ZNF592: variants seen among roughly 807,000 people sequenced by gnomAD.
ZNF592 encodes the protein zinc finger protein 592.
Under a neutral mutation model 80.3 loss-of-function variants are expected in ZNF592, and 11 were observed. The ratio of observed to expected loss-of-function variants is 0.14; its 90% CI spans 0.09 to 0.23. The LOEUF (loss-of-function observed/expected upper bound fraction) is 0.23, where lower values mean the gene tolerates loss of function less well. Among genes scored for constraint, ZNF592 ranks in the 10% least tolerant of loss-of-function variants. ZNF592 has a pLI of 1.00. For missense variants in ZNF592, 1,420 were observed against 1,633.9 expected (o/e 0.87, Z 2.26); for synonymous variants, 646 against 640.3 (o/e 1.01, Z -0.13).
At chr15:84,773,518 G>A (rs1174885918) in intron 2 of ZNF592, among the ~76,000 whole-genome samples, 1 of 152,130 alleles carries the variant, frequency 6.6e-6, no homozygotes, top group Non-Finnish European at 1.5e-5. Context: ...GCCCCCACCA[G>A]GGGTTTAATT....
chr15:84,760,243 A>G (rs761359943), intron 1 of ZNF592, among the ~76,000 whole-genome samples: 1 of 152,090 alleles, frequency 6.6e-6, no homozygotes, highest in Non-Finnish European at 1.5e-5. Context: ...AGACCTAGCA[A>G]TGGCCTGCCA....
chr15:84,753,211 G>A (rs1424739480), intron 1 of ZNF592: 7 of 152,232 alleles, frequency 4.6e-5, no homozygotes, highest in Admixed American at 1.3e-4. Flanking sequence ...GTTCCATAGA[G>A]TTAGGTTAAT....
At chr15:84,753,739 CTGGGATTACAGGCATGAGCCCCTA>C (rs1899082178) in intron 1 of ZNF592, among the ~76,000 whole-genome samples, 2 of 152,338 alleles carry the variant, frequency 1.3e-5, no homozygotes, top group Admixed American at 6.5e-5. Flanking sequence ...TCCTAAAGTG[CTGGGATTACAGGCATGAGCCCCTA>C]TGCCTGGCCT....
At chr15:84,748,794 C>A (rs950499292) in intron 1 of ZNF592, 130 bp downstream of exon 1, 7 of 147,258 alleles carry the variant, frequency 4.8e-5, no homozygotes, top group Non-Finnish European at 1.1e-4. Context: ...GCCTGGCGGA[C>A]CCTGGCCGCC....
rs546396478 is a variant in ZNF592, at chr15:84,783,453, C to A, written c.778C>A (p.Arg260=). The change falls in exon 4 of 11, where the codon CGG becomes AGG. Residue 260 remains arginine (R), a synonymous_variant. Transcript: ENST00000560079. The surrounding 1 kb of genome is among the most constrained non-coding windows in gnomAD (Gnocchi z 5.0). ...TATTGGAGAGTCCAAGGGGCTTGCC[C>A]GGGAGCTTGGTACCTGCTCATCAGT... The part of the protein sequence containing the change: ...NSIGESKGLA[R]ELGTCSSVPP... The A allele has an allele frequency of 1.2e-6, 2 of 1,614,018 alleles. No homozygotes were observed. Among genetic ancestry groups the A allele is most frequent in the African/African-American group, 2.7e-5 (2 of 74,916 alleles).
chr15:84,755,307 TA>T (rs1250222473), intron 1 of ZNF592, among the ~76,000 whole-genome samples: 11 of 152,064 alleles, frequency 7.2e-5, no homozygotes, highest in Admixed American at 6.6e-4. Flanking sequence ...AATTTTTTTT[TA>T]TTTTTTTAAG....
rs1962968332 is a variant in ZNF592, at chr15:84,797,938, C to T, written c.2469C>T (p.Cys823=). The change falls in exon 6 of 11, where the codon TGC becomes TGT. Residue 823 remains cysteine, a synonymous_variant. Transcript: ENST00000560079. ...AAAGCCACATCCAGGAGCGACACTG[C>T]CAGGTTTTCCACAAATGTGCATTCT... ...LLKSHIQERH[C]QVFHKCAFCP... 1 of 1,614,130 alleles carries T rather than the reference C, an allele frequency of 6.2e-7. No individual in the cohort carries two copies. The highest frequency in any genetic ancestry group is 1.7e-5 in the Admixed American group (1 of 60,016).
intron 1 of ZNF592, among the ~76,000 whole-genome samples, chr15:84,753,807 T>A (rs947204866): frequency 7.9e-5 from 12 of 152,182 alleles, no homozygotes; most frequent in African/African-American, 2.9e-4. Context: ...TTGTTTAAAC[T>A]TTTCTTAAAA....
Position 84,802,613 on chromosome 15 carries a change from T to G in ZNF592, c.*220T>G. The G allele has an allele frequency of 1.6e-6, 1 of 606,938 alleles. No homozygotes were observed. Among genetic ancestry groups the G allele is most frequent in the Admixed American group, 2.9e-5 (1 of 34,434 alleles). The allele number at this position is 606,938 out of a possible 1,614,324, so 37.6% of individuals were successfully genotyped here. A position where few individuals can be genotyped will look rare whatever the true frequency, so the allele number is the denominator to read the frequency against. On this transcript the variant is annotated 3_prime_UTR_variant, in exon 11 of 11. Transcript: ENST00000560079. Reference sequence around the variant, plus strand: ...CAGCTCTGAATTTGCTTCTGTTATTTATGGCTTTTCGCTGCTTCTTGGTGC... The same window carrying G: ...CAGCTCTGAATTTGCTTCTGTTATTGATGGCTTTTCGCTGCTTCTTGGTGC...
rs549265229 is a variant in ZNF592 at position 84,798,209 on chromosome 15, A to G, written c.2577-106A>G. On this transcript the variant is annotated intron_variant, in intron 6 of 10. Coordinates refer to ENST00000560079, the MANE Select transcript of ZNF592 (RefSeq NM_014630.3). The surrounding 1 kb of genome is among the most constrained non-coding windows in gnomAD (Gnocchi z 4.5). ...GGCAGGGGAGCATCCACATTGGCTCAGGGTAGTGCTTTCCCAAACTTGACC... is the reference window on the plus strand; with the variant it reads ...GGCAGGGGAGCATCCACATTGGCTCGGGGTAGTGCTTTCCCAAACTTGACC... 1.9e-6 allele frequency: 3 copies of G among 1,585,572 alleles called. No individual in the cohort carries two copies. Among genetic ancestry groups the G allele is most frequent in the South Asian group, 2.2e-5 (2 of 89,984 alleles).
Position 84,801,923 on chromosome 15 carries a change from G to A in ZNF592, c.3334G>A (p.Ala1112Thr), listed in dbSNP as rs756026866. 9.9e-6 allele frequency: 16 copies of A among 1,613,810 alleles called. 1 individual carries two copies. Among genetic ancestry groups the A allele is most frequent in the East Asian group, 4.5e-5 (2 of 44,888 alleles). ...VGDAPGTSNG[A>T]TVSSTKRHKS... ...GGACGCTCCAGGCACCAGCAATGGC[G>A]CAACTGTCTCTTCCACCAAAAGGCA... The change falls in exon 11 of 11, where the codon GCA (alanine) becomes ACA (threonine). Residue 1112 changes from alanine to threonine, a missense_variant. Physicochemically the swap from Ala to Thr is moderately conservative, Grantham distance 58 (BLOSUM62 0). Coordinates refer to ENST00000560079, the MANE Select transcript of ZNF592 (RefSeq NM_014630.3).
chr15:84,765,824 C>T (rs1046912816), intron 2 of ZNF592, among the ~76,000 whole-genome samples: 1 of 151,996 alleles, frequency 6.6e-6, no homozygotes, highest in Non-Finnish European at 1.5e-5. Context: ...GCATGAGCCA[C>T]CGCACCCAGA....
rs188996462 is a variant in ZNF592, at chr15:84,764,868, A to G, written c.-150+53A>G. On this transcript the variant is annotated intron_variant, in intron 2 of 10. Coordinates refer to ENST00000560079, the MANE Select transcript of ZNF592 (RefSeq NM_014630.3). ...GCCTTGAAAAGCCAAGAGTTTGAAC[A>G]TGAGATTTTTTTGTTCCCTGGATTT... The G allele has an allele frequency of 1.0e-5, 4 of 396,254 alleles. No homozygotes were observed. The Admixed American group carries it at 1.3e-4, about 13-fold the overall frequency. 24.5% of individuals were successfully genotyped at this position (396,254 alleles called of 1,614,324 possible).
At chr15:84,789,619 G>C (rs1185523766) in intron 4 of ZNF592, among the ~76,000 whole-genome samples, 1 of 152,174 alleles carries the variant, frequency 6.6e-6, no homozygotes, top group Admixed American at 6.5e-5. Flanking sequence ...TCAAATAGTA[G>C]CCATCCTAGT....
At position 84,798,043 on chromosome 15, in the gene ZNF592, C is replaced by T; in HGVS notation, c.2574C>T (p.Ser858=). 1 of 1,613,792 alleles carries T rather than the reference C, an allele frequency of 6.2e-7. No individual in the cohort carries two copies. Among genetic ancestry groups the T allele is most frequent in the East Asian group, 2.2e-5 (1 of 44,884 alleles). ...TQHPTQPHRP[S]QLIYKCSCEM... ...ACCCCACCCAGCCCCACAGACCCTC[C>T]CAGTGAGTGCAGCTCCAGGGCCAGC... The change falls in exon 6 of 11, where the codon TCC becomes TCT. Residue 858 remains serine (S), a splice_region_variant and synonymous_variant. Coordinates refer to ENST00000560079, the MANE Select transcript of ZNF592 (RefSeq NM_014630.3). The surrounding 1 kb of genome is among the most constrained non-coding windows in gnomAD (Gnocchi z 4.5).
chr15:84,798,994 CT>C lies in ZNF592; in HGVS notation c.3025-102del. The C allele has an allele frequency of 1.3e-6, 2 of 1,589,066 alleles. No homozygotes were observed. Among genetic ancestry groups the C allele is most frequent in the East Asian group, 4.5e-5 (2 of 44,744 alleles). On this transcript the variant is annotated intron_variant, in intron 8 of 10. Coordinates refer to ENST00000560079, the MANE Select transcript of ZNF592 (RefSeq NM_014630.3). The surrounding 1 kb of genome is among the most constrained non-coding windows in gnomAD (Gnocchi z 4.5). Reference sequence around the variant, plus strand: ...GGGTGGGTACCACAGATCTTGAGGTCTTCGGGAGTATCCTCCTTTCTGCCCA... The same window carrying C: ...GGGTGGGTACCACAGATCTTGAGGTCTCGGGAGTATCCTCCTTTCTGCCCA...
At chr15:84,771,042 G>T (rs930975650) in intron 2 of ZNF592, among the ~76,000 whole-genome samples, 2 of 152,136 alleles carry the variant, frequency 1.3e-5, no homozygotes, top group Admixed American at 6.5e-5. Context: ...CAGCCAGGGG[G>T]TTGAAGAGAC....
chr15:84,749,715 G>C (rs1258129065), intron 1 of ZNF592, among the ~76,000 whole-genome samples: 1 of 152,208 alleles, frequency 6.6e-6, no homozygotes, highest in Non-Finnish European at 1.5e-5. Context: ...GTGTGGCAGA[G>C]TGCGGAGGAT....
At chr15:84,789,257 A>C (rs1962673678) in intron 4 of ZNF592, among the ~76,000 whole-genome samples, 1 of 151,588 alleles carries the variant, frequency 6.6e-6, no homozygotes. Context: ...AAAAAAAAAA[A>C]AGTCCCTTCT....
Sources: allele counts gnomAD v4.1 joint callset (sites outside exome capture counted in the v4.1 genomes callset), GRCh38; gene constraint gnomAD v4.1.1; non-coding constraint Gnocchi (gnomAD v3.1); transcripts MANE v1.5; gene names NCBI Gene and HGNC (gene_info 2026-07-23, HGNC 2026-07-21).